Variants in ETV7 observed in about 807,000 individuals in gnomAD.
ETV7 encodes transcription factor ETV7.
In ETV7, 43 loss-of-function variants were observed where a neutral mutation model predicts 39.1. The ratio of observed to expected loss-of-function variants is 1.10; its 90% CI spans 0.86 to 1.42. ETV7 has a LOEUF of 1.42. Ranked by LOEUF, ETV7 falls within the 40% of genes most tolerant of loss-of-function variation. ETV7 has a pLI of 0.00. For missense variants in ETV7, 432 were observed against 442.3 expected (o/e 0.98, Z 0.21); for synonymous variants, 196 against 176.6 (o/e 1.11, Z -0.87).
chr6:36,359,336 AG>A (rs1181031448), intron 7 of ETV7, among the ~76,000 whole-genome samples: 1 of 152,136 alleles, frequency 6.6e-6, no homozygotes, highest in African/African-American at 2.4e-5. Flanking sequence ...CTGTGATCCC[AG>A]CTACTCAGGA....
chr6:36,379,560 AAAGAAGAAGAAG>A (rs145420270), intron 2 of ETV7, among the ~76,000 whole-genome samples: 2 of 143,808 alleles, frequency 1.4e-5, no homozygotes, highest in Non-Finnish European at 3.0e-5. Flanking sequence ...AAAAAAAAAA[AAAGAAGAAGAAG>A]AAGAAGAAGA....
At chr6:36,373,174 A>G (rs1431729062) in intron 4 of ETV7, among the ~76,000 whole-genome samples, 2 of 152,102 alleles carry the variant, frequency 1.3e-5, no homozygotes, top group African/African-American at 4.8e-5. Context: ...GGAGACCTTG[A>G]CAAGTGGTTT....
intron 2 of ETV7, among the ~76,000 whole-genome samples, chr6:36,378,858 A>C (rs912833172): frequency 6.6e-6 from 1 of 152,268 alleles, no homozygotes; most frequent in Non-Finnish European, 1.5e-5. Flanking sequence ...AATTGCTGCC[A>C]GGTGAGATCC....
In ETV7 at chr6:36,376,864, G is replaced by A. The variant is rs547468204; in HGVS notation, c.143-829C>T. 2.8e-3 allele frequency among the ~76,000 whole-genome samples: 431 copies of A among 151,896 alleles called. 1 individual carries two copies. The highest frequency in any genetic ancestry group is 7.8e-3 in the African/African-American group (323 of 41,396). On this transcript the variant is annotated intron_variant, in intron 2 of 7. Coordinates refer to ENST00000340181, the MANE Select transcript of ETV7 (RefSeq NM_016135.4). ...CAGAGGTTAAGTGACTAGCCCACAC[G>A]CATACAGGCAGCATGGGGCACAGCC...
exon 8 of ETV7, chr6:36,354,612 T>G: frequency 1.4e-6 from 1 of 692,360 alleles, no homozygotes; most frequent in Non-Finnish European, 2.6e-6. Flanking sequence ...ACTTTGTTTT[T>G]CTTTCCAAGA....
intron 2 of ETV7, among the ~76,000 whole-genome samples, chr6:36,381,612 T>C (rs533731062): frequency 6.6e-6 from 1 of 152,310 alleles, no homozygotes; most frequent in Admixed American, 6.5e-5. Context: ...TTATTGTGTG[T>C]CATGGTGTCT....
chr6:36,381,967 G>T (rs1302420836), intron 2 of ETV7, among the ~76,000 whole-genome samples: 2 of 152,100 alleles, frequency 1.3e-5, no homozygotes, highest in Admixed American at 6.6e-5. Context: ...CTGCTTGTTT[G>T]GGTCCTCACC....
intron 3 of ETV7, 150 bp from the exon 4 acceptor site, chr6:36,373,728 A>C: frequency 1.2e-6 from 1 of 867,394 alleles, no homozygotes; most frequent in Non-Finnish European, 1.6e-6. Context: ...TGCTGCAGCT[A>C]ACAGGAGGCT....
At chr6:36,362,074 G>A (rs928860706), downstream of ETV7, among the ~76,000 whole-genome samples, 19 of 152,050 alleles carry the variant, frequency 1.2e-4, no homozygotes, top group Non-Finnish European at 2.1e-4. Flanking sequence ...TGAGGCAGGC[G>A]GATCACGAGG....
downstream of ETV7, among the ~76,000 whole-genome samples, chr6:36,363,611 A>G (rs575374999): frequency 3.5e-4 from 53 of 152,388 alleles, 2 homozygotes; most frequent in South Asian, 0.011. Flanking sequence ...AAAGGGGACC[A>G]GAACGGGTTG....
chr6:36,354,694 TAAA>T (rs563469381), intron 7 of ETV7: 2 of 571,010 alleles, frequency 3.5e-6, no homozygotes, highest in African/African-American at 2.0e-5. Context: ...ATTTCTGCAA[TAAA>T]AAAAAAAAGC....
rs920977062 is a variant in ETV7 at position 36,366,590 on chromosome 6, T to A, written c.*55A>T. On this transcript the variant is annotated 3_prime_UTR_variant, in exon 8 of 8. Transcript: ENST00000340181. Reference sequence around the variant, plus strand: ...TGCTGGGAGGAGGAGTCTGCCTTCATGGGAGACTCGGTCCCTGCCCCATCG... The same window carrying A: ...TGCTGGGAGGAGGAGTCTGCCTTCAAGGGAGACTCGGTCCCTGCCCCATCG... 1.2e-6 allele frequency: 2 copies of A among 1,612,038 alleles called. No homozygotes were observed. The highest frequency in any genetic ancestry group is 2.7e-5 in the African/African-American group (2 of 74,854).
At chr6:36,373,711 G>A in intron 3 of ETV7, 133 bp from the exon 4 acceptor site, 1 of 1,022,182 alleles carries the variant, frequency 9.8e-7, no homozygotes, top group Non-Finnish European at 1.3e-6. Context: ...GATGGCAAAG[G>A]GGTTCCTGCT....
downstream of ETV7, among the ~76,000 whole-genome samples, chr6:36,363,253 C>A (rs1418032623): frequency 1.3e-5 from 2 of 152,182 alleles, no homozygotes; most frequent in Non-Finnish European, 2.9e-5. Context: ...TTCTGATGTT[C>A]CGACGTGTTC....
At chr6:36,376,145 C>A (rs1326679739) in intron 2 of ETV7, 110 bp from the exon 3 acceptor site, 12 of 980,298 alleles carry the variant, frequency 1.2e-5, no homozygotes, top group Middle Eastern at 3.3e-4. Context: ...CCCCAACCCC[C>A]ATCATCTTCT....
chr6:36,366,836 T>C (rs1772748090), intron 7 of ETV7, 39 bp downstream of exon 7: 1 of 1,612,788 alleles, frequency 6.2e-7, no homozygotes, highest in Non-Finnish European at 8.5e-7. Context: ...CCAACCCCAG[T>C]TCTGCTTCCC....
Position 36,369,077 on chromosome 6 carries a change from A to G in ETV7, c.665-6T>C. The G allele has an allele frequency of 6.2e-7, 1 of 1,614,078 alleles. No homozygotes were observed. Among genetic ancestry groups the G allele is most frequent in the South Asian group, 1.1e-5 (1 of 91,082 alleles). Reference sequence around the variant, plus strand: ...ATCCCACAGCAGGCGGCAGTCTGCAATTTAGCACAGGGAGTGCAGGCAGCG... The same window carrying G: ...ATCCCACAGCAGGCGGCAGTCTGCAGTTTAGCACAGGGAGTGCAGGCAGCG... On this transcript the variant is annotated splice_region_variant and splice_polypyrimidine_tract_variant and intron_variant, in intron 5 of 7. Transcript: ENST00000340181.
chr6:36,361,399 G>T (rs533846891), downstream of ETV7, among the ~76,000 whole-genome samples: 1 of 152,354 alleles, frequency 6.6e-6, no homozygotes, highest in African/African-American at 2.4e-5. Context: ...TGTGTTTTCT[G>T]TGTGTCTCTA....
At chr6:36,383,555 A>G (rs1424020098) in intron 2 of ETV7, among the ~76,000 whole-genome samples, 1 of 148,290 alleles carries the variant, frequency 6.7e-6, no homozygotes, top group Non-Finnish European at 1.5e-5. Context: ...AGGGGAGGGA[A>G]TGGGGTGGGT....
Sources: gnomAD v4.1 joint callset for allele counts (sites outside exome capture counted in the v4.1 genomes callset) on GRCh38, gnomAD v4.1.1 for gene constraint, MANE v1.5 for transcripts, NCBI Gene and HGNC (gene_info 2026-07-23, HGNC 2026-07-21) for gene names.